CTNNA3: variants seen among roughly 807,000 people sequenced by gnomAD.
CTNNA3 encodes the protein catenin alpha 3, also known as catenin alpha-3.
Under a neutral mutation model 95.7 loss-of-function variants are expected in CTNNA3, and 76 were observed. That is an observed-to-expected ratio of 0.79 (90% CI 0.66 to 0.96). The LOEUF (loss-of-function observed/expected upper bound fraction) is 0.96, where lower values mean the gene tolerates loss of function less well. CTNNA3 is among the 40% of genes least tolerant of loss of function. The pLI is 0.00. For missense variants in CTNNA3, 1,191 were observed against 1,089.8 expected (o/e 1.09, Z -1.31); for synonymous variants, 431 against 374.4 (o/e 1.15, Z -1.74).
chr10:67,227,960 A>G lies in CTNNA3; in HGVS notation c.580-8090T>C, dbSNP rs1322377544. ...CTCCTGAATTAGCATTGGGTCAAAA[A>G]TGAAATCAAGATGGAAATTTAAAAA... On this transcript the variant is annotated intron_variant, in intron 5 of 17. Coordinates refer to ENST00000433211, the MANE Select transcript of CTNNA3 (RefSeq NM_013266.4). Among the ~76,000 whole-genome samples the G allele has an allele frequency of 4.6e-5, 7 of 152,192 alleles. No individual in the cohort carries two copies. In the South Asian group the frequency reaches 1.4e-3, roughly 31 times the overall value.
intron 12 of CTNNA3, among the ~76,000 whole-genome samples, chr10:66,351,695 C>T (rs1019756996): frequency 5.3e-5 from 8 of 151,850 alleles, no homozygotes; most frequent in African/African-American, 1.9e-4. Flanking sequence ...TGTTTAGTAG[C>T]ATGGAGAATT....
chr10:67,365,409 A>C (rs1241852648), intron 5 of CTNNA3, among the ~76,000 whole-genome samples: 2 of 152,226 alleles, frequency 1.3e-5, no homozygotes, highest in African/African-American at 4.8e-5. Flanking sequence ...TCTGCACAGC[A>C]AAAGAAAATA....
At chr10:66,017,061 T>G (rs1279527862) in intron 15 of CTNNA3, among the ~76,000 whole-genome samples, 1 of 152,144 alleles carries the variant, frequency 6.6e-6, no homozygotes, top group Non-Finnish European at 1.5e-5. Context: ...CACCATATAA[T>G]CTGAACTACA....
chr10:67,549,347 T>G (rs748335214), intron 3 of CTNNA3, among the ~76,000 whole-genome samples: 11 of 152,200 alleles, frequency 7.2e-5, no homozygotes, highest in Non-Finnish European at 1.6e-4. Context: ...GGTGTCGATC[T>G]TGTTCACCAT....
intron 7 of CTNNA3, among the ~76,000 whole-genome samples, chr10:66,863,964 G>C (rs893014255): frequency 1.3e-4 from 20 of 152,112 alleles, no homozygotes; most frequent in Admixed American, 1.3e-3. Context: ...GTAATTAACA[G>C]CTTTTCTGTT....
At chr10:66,740,456 A>G (rs7919968) in intron 9 of CTNNA3, among the ~76,000 whole-genome samples, 42,206 of 151,994 alleles carry the variant, frequency 0.28, 6,158 homozygotes, top group East Asian at 0.49. Flanking sequence ...GTAATATTCA[A>G]TTTTGTCAAA....
rs188262959 is a variant in CTNNA3, at chr10:67,029,052, A to G, written c.1047+151265T>C. On this transcript the variant is annotated intron_variant, in intron 7 of 17. Transcript: ENST00000433211. ...AATAACATCAGACTAGCCCAGGAGT[A>G]TATGTGGATGTAAGAGCACACTACG... Among the ~76,000 whole-genome samples, 370 of 152,266 alleles carry G rather than the reference A, an allele frequency of 2.4e-3. 1 individual carries two copies. The highest frequency in any genetic ancestry group is 9.9e-3 in the South Asian group (48 of 4,828).
At chr10:66,290,278 C>T (rs995944317) in intron 12 of CTNNA3, among the ~76,000 whole-genome samples, 2 of 151,870 alleles carry the variant, frequency 1.3e-5, no homozygotes, top group Admixed American at 6.6e-5. Flanking sequence ...GCCACATAAT[C>T]AAAGTTAGGG....
chr10:66,365,266 T>C lies in CTNNA3; in HGVS notation c.1732+13886A>G, dbSNP rs539171799. 9.2e-5 allele frequency among the ~76,000 whole-genome samples: 14 copies of C among 152,260 alleles called. No individual in the cohort carries two copies. In the Middle Eastern group the frequency reaches 0.01, roughly 111 times the overall value. ...TGGATGAAGCTGGAAACCATCATTC[T>C]CAGCAAACTATCATAAGATGAGAAA... On this transcript the variant is annotated intron_variant, in intron 12 of 17. Coordinates refer to ENST00000433211, the MANE Select transcript of CTNNA3 (RefSeq NM_013266.4).
chr10:67,266,297 A>T lies in CTNNA3; in HGVS notation c.580-46427T>A, dbSNP rs187439063. ...GTGAACTGTATTTTTGTTCAAAAAA[A>T]ATATATATGTTCTACCCCTCTCAGA... is the stretch of plus-strand genomic sequence containing the variant. On this transcript the variant is annotated intron_variant, in intron 5 of 17. Coordinates refer to ENST00000433211, the MANE Select transcript of CTNNA3 (RefSeq NM_013266.4). Among the ~76,000 whole-genome samples, 134 of 152,190 alleles carry T rather than the reference A, an allele frequency of 8.8e-4. 1 individual carries two copies. In the East Asian group the frequency reaches 0.023, roughly 26 times the overall value.
intron 7 of CTNNA3, among the ~76,000 whole-genome samples, chr10:66,938,096 A>G (rs1269493559): frequency 6.6e-6 from 1 of 152,228 alleles, no homozygotes; most frequent in African/African-American, 2.4e-5. Flanking sequence ...CAAACAATCT[A>G]CAGTAAACAT....
At chr10:66,834,158 T>G (rs10733830) in intron 7 of CTNNA3, among the ~76,000 whole-genome samples, 2 of 152,014 alleles carry the variant, frequency 1.3e-5, no homozygotes, top group Non-Finnish European at 1.5e-5. Flanking sequence ...CTTCTACAGT[T>G]GAGCTAATAG....
At chr10:66,285,058 A>G (rs532031786) in intron 12 of CTNNA3, among the ~76,000 whole-genome samples, 1 of 152,018 alleles carries the variant, frequency 6.6e-6, no homozygotes, top group South Asian at 2.1e-4. Context: ...ATCAATGACT[A>G]GTAAGGATTT....
intron 5 of CTNNA3, among the ~76,000 whole-genome samples, chr10:67,325,475 T>C (rs781219772): frequency 3.9e-5 from 6 of 152,238 alleles, no homozygotes; most frequent in Non-Finnish European, 7.3e-5. Context: ...AGTTTCTACC[T>C]TAATTTCACT....
At chr10:66,344,727 T>C (rs1195624496) in intron 12 of CTNNA3, among the ~76,000 whole-genome samples, 2 of 152,142 alleles carry the variant, frequency 1.3e-5, no homozygotes, top group Non-Finnish European at 2.9e-5. Flanking sequence ...TTATGATTTC[T>C]ATAGAAGGAA....
At chr10:67,322,412 T>G (rs1841359992) in intron 5 of CTNNA3, among the ~76,000 whole-genome samples, 3 of 152,138 alleles carry the variant, frequency 2.0e-5, no homozygotes, top group Non-Finnish European at 4.4e-5. Context: ...ATGTGTATTG[T>G]TCCTTTCTGT....
At chr10:66,814,266 GAA>G (rs71035182) in intron 7 of CTNNA3, among the ~76,000 whole-genome samples, 73,211 of 137,112 alleles carry the variant, frequency 0.53, 19,633 homozygotes, top group East Asian at 0.75. Context: ...AAGGAGGAAA[GAA>G]AAAAAAAAAA....
chr10:66,990,642 T>C (rs536455382), intron 7 of CTNNA3, among the ~76,000 whole-genome samples: 11 of 152,242 alleles, frequency 7.2e-5, no homozygotes, highest in African/African-American at 2.6e-4. Flanking sequence ...TAGGAGCCAG[T>C]GTGGACCAGA....
At chr10:67,469,057 T>C (rs1589323204) in intron 5 of CTNNA3, among the ~76,000 whole-genome samples, 1 of 152,136 alleles carries the variant, frequency 6.6e-6, no homozygotes, top group South Asian at 2.1e-4. Context: ...TAAGAAAGGG[T>C]TGGAAGAGTG....
Sources: allele counts gnomAD v4.1 joint callset (sites outside exome capture counted in the v4.1 genomes callset), GRCh38; gene constraint gnomAD v4.1.1; transcripts MANE v1.5; gene names NCBI Gene and HGNC (gene_info 2026-07-23, HGNC 2026-07-21).